The following MAGED1 variants were observed in gnomAD, a reference collection of about 807,000 sequenced individuals.
The protein encoded by MAGED1 is MAGE family member D1.
In MAGED1, 3 loss-of-function variants were observed where a neutral mutation model predicts 54.1. The ratio of observed to expected loss-of-function variants is 0.06; its 90% confidence interval spans 0.03 to 0.14. MAGED1 has a LOEUF of 0.14. Among genes scored for constraint, MAGED1 ranks in the 10% least tolerant of loss-of-function variants. The probability of loss-of-function intolerance (pLI) is 1.00; values close to 1 mark genes in which losing one functional copy is unlikely to be tolerated. For synonymous variants in MAGED1, 217 were observed against 227.3 expected (o/e 0.95, Z 0.41); for missense variants, 485 against 623.4 (o/e 0.78, Z 2.36).
chrX:51,895,091 G>T lies in MAGED1; in HGVS notation c.84G>T (p.Gln28His). ...TAGAAGACAGCGCCTTGCTTATGCA[G>T]ACCTTGATGGAGGCCATCCAGATCT... Reference protein sequence around the residue: ...ASVEDSALLMQTLMEAIQISE... With the variant: ...ASVEDSALLMHTLMEAIQISE... The change falls in exon 3 of 13, where the codon CAG becomes CAT. Residue 28 changes from glutamine (Q) to histidine (H), a missense_variant. By Grantham distance (24) the Gln-to-His change is conservative. Transcript: ENST00000326587. 2 of 1,211,632 alleles carry T rather than the reference G, an allele frequency of 1.7e-6. No homozygotes were observed. The highest frequency in any genetic ancestry group is 2.2e-6 in the Non-Finnish European group (2 of 895,417).
intron 1 of MAGED1, among the ~76,000 whole-genome samples, chrX:51,814,966 TAAAAAAAAAAAAA>T (rs782352592): frequency 2.8e-5 from 2 of 72,101 alleles, no homozygotes; most frequent in African/African-American, 1.0e-4. Context: ...ACCTCTCTCT[TAAAAAAAAAAAAA>T]AAAAAAAAAA....
intron 1 of MAGED1, chrX:51,803,247 CTTCTGACGCCTGTGG>C (rs1360690330): frequency 7.2e-5 from 8 of 111,239 alleles, no homozygotes; most frequent in Non-Finnish European, 1.1e-4. Flanking sequence ...ATGAAGGATG[CTTCTGACGCCTGTGG>C]TTCTGATCGC....
intron 1 of MAGED1, among the ~76,000 whole-genome samples, chrX:51,885,876 A>G (rs1399517921): frequency 2.7e-5 from 3 of 110,730 alleles, no homozygotes; most frequent in Non-Finnish European, 5.7e-5. Context: ...AATCAACCTA[A>G]GGGTCCATCA....
chrX:51,854,731 G>A (rs949944834), intron 1 of MAGED1, among the ~76,000 whole-genome samples: 1 of 111,561 alleles, frequency 9.0e-6, no homozygotes, highest in Non-Finnish European at 1.9e-5. Flanking sequence ...CTAAATGGTT[G>A]TGGTAGTTAT....
chrX:51,901,884 A>G lies in MAGED1; in HGVS notation c.2291A>G (p.Asn764Ser). The G allele has an allele frequency of 3.3e-6, 4 of 1,209,453 alleles. No individual in the cohort carries two copies. Among genetic ancestry groups the G allele is most frequent in the Non-Finnish European group, 4.5e-6 (4 of 894,784 alleles). ...IIGPGGTASA[N>S]FAANFGAIGF... Reference sequence around the variant, plus strand: ...GGTCCTGGTGGTACAGCCAGTGCCAACTTCGCTGCCAACTTTGGTGCCATT... The same window carrying G: ...GGTCCTGGTGGTACAGCCAGTGCCAGCTTCGCTGCCAACTTTGGTGCCATT... Residue 764 changes from asparagine to serine, a missense_variant, in exon 12 of 13, where the codon AAC becomes AGC. Coordinates refer to ENST00000326587, the MANE Select transcript of MAGED1 (RefSeq NM_006986.4).
chrX:51,831,401 C>T (rs1212687848), intron 1 of MAGED1, among the ~76,000 whole-genome samples: 3 of 111,322 alleles, frequency 2.7e-5, no homozygotes, highest in African/African-American at 9.8e-5. Context: ...TACCTGAGCC[C>T]AGGAGTTCAA....
chrX:51,878,304 G>A (rs1463596334), intron 1 of MAGED1, among the ~76,000 whole-genome samples: 2 of 111,334 alleles, frequency 1.8e-5, no homozygotes, highest in African/African-American at 6.5e-5. Flanking sequence ...GAAGGAAGGT[G>A]TAATCTATTT....
chrX:51,812,933 T>A (rs1557355660), intron 1 of MAGED1, among the ~76,000 whole-genome samples: 1 of 110,060 alleles, frequency 9.1e-6, no homozygotes. Flanking sequence ...TTCCTTTTTT[T>A]TTTTTTTTAA....
chrX:51,828,403 T>C (rs1420668546), intron 1 of MAGED1, among the ~76,000 whole-genome samples: 1 of 111,909 alleles, frequency 8.9e-6, no homozygotes, highest in Non-Finnish European at 1.9e-5. Flanking sequence ...AGTTTTATAT[T>C]ACTTATATTT....
At chrX:51,885,540 T>A (rs1557362751) in intron 1 of MAGED1, among the ~76,000 whole-genome samples, 1 of 111,602 alleles carries the variant, frequency 9.0e-6, no homozygotes, top group Admixed American at 9.5e-5. Flanking sequence ...TCCTGTAGGT[T>A]TTCTCTTCAC....
Position 51,896,888 on chromosome X carries a change from A to T in MAGED1, c.1233A>T (p.Pro411=), listed in dbSNP as rs1296786724. The T allele has an allele frequency of 1.7e-6, 2 of 1,205,954 alleles. No individual in the cohort carries two copies. Among genetic ancestry groups the T allele is most frequent in the Non-Finnish European group, 2.2e-6 (2 of 892,809 alleles). Residue 411 remains proline (P), a synonymous_variant, in exon 4 of 13, where the codon CCA becomes CCT. Transcript: ENST00000326587. The part of the protein sequence containing the change: ...PPDWPLPPDW[P]LPPDWPLPTD... Reference sequence around the variant, plus strand: ...ACTGGCCGCTACCACCCGACTGGCCACTGCCACCTGATTGGCCACTTCCCA... The same window carrying T: ...ACTGGCCGCTACCACCCGACTGGCCTCTGCCACCTGATTGGCCACTTCCCA...
chrX:51,859,201 G>GTCTA (rs1183685671), intron 1 of MAGED1, among the ~76,000 whole-genome samples: 29 of 109,896 alleles, frequency 2.6e-4, no homozygotes, highest in African/African-American at 9.0e-4. Context: ...GGTATAAAGT[G>GTCTA]TCTAGTATGG....
chrX:51,840,852 G>C (rs1926441249), intron 1 of MAGED1, among the ~76,000 whole-genome samples: 1 of 109,613 alleles, frequency 9.1e-6, no homozygotes, highest in Non-Finnish European at 1.9e-5. Flanking sequence ...CATTTGGGTT[G>C]GTTCCAAGTC....
chrX:51,856,526 C>T (rs1285807371), intron 1 of MAGED1, among the ~76,000 whole-genome samples: 1 of 112,082 alleles, frequency 8.9e-6, no homozygotes, highest in Non-Finnish European at 1.9e-5. Flanking sequence ...GTTTGCATTT[C>T]CTTTTTTGTG....
In MAGED1 at chrX:51,896,871, C is replaced by T; in HGVS notation, c.1216C>T (p.Leu406=). 8.3e-7 allele frequency: 1 copy of T among 1,204,241 alleles called. No individual in the cohort carries two copies. Residue 406 remains leucine, a synonymous_variant, in exon 4 of 13, where the codon CTA becomes TTA. Coordinates refer to ENST00000326587, the MANE Select transcript of MAGED1 (RefSeq NM_006986.4). The part of the protein sequence containing the change: ...PDWQGPPDWP[L]PPDWPLPPDW... ...CTGGCAAGGTCCTCCTGACTGGCCG[C>T]TACCACCCGACTGGCCACTGCCACC...
intron 1 of MAGED1, among the ~76,000 whole-genome samples, chrX:51,816,738 A>T (rs202160198): frequency 1.6e-4 from 1 of 6,385 alleles, no homozygotes; most frequent in East Asian, 0.022. Flanking sequence ...AAAGAAAGAA[A>T]AAAAAAAAAC....
intron 1 of MAGED1, among the ~76,000 whole-genome samples, chrX:51,846,907 T>G (rs1277308841): frequency 5.4e-5 from 6 of 111,668 alleles, no homozygotes; most frequent in Non-Finnish European, 9.4e-5. Context: ...ACATGAGATT[T>G]GGGTGGGAAC....
At chrX:51,871,815 G>A (rs182030109) in intron 1 of MAGED1, among the ~76,000 whole-genome samples, 116 of 111,628 alleles carry the variant, frequency 1.0e-3, no homozygotes, top group African/African-American at 3.6e-3. Context: ...GGGTCAAATG[G>A]TATTTCTAGT....
intron 1 of MAGED1, among the ~76,000 whole-genome samples, chrX:51,803,916 C>T (rs527899862): frequency 9.1e-6 from 1 of 110,337 alleles, no homozygotes; most frequent in South Asian, 3.9e-4. Context: ...TTTCCCATCC[C>T]CTGTAAAACT....
Sources: gnomAD v4.1 joint callset for allele counts (sites outside exome capture counted in the v4.1 genomes callset) on GRCh38, gnomAD v4.1.1 for gene constraint, MANE v1.5 for transcripts, NCBI Gene and HGNC (gene_info 2026-07-23, HGNC 2026-07-21) for gene names.